The following CHD7 variants were observed in gnomAD, a reference collection of about 807,000 sequenced individuals.
CHD7 encodes the protein chromodomain helicase DNA binding protein 7.
In CHD7, 24 loss-of-function variants were observed where a neutral mutation model predicts 307.3. The ratio of observed to expected loss-of-function variants is 0.08; its 90% CI spans 0.06 to 0.11. The LOEUF (loss-of-function observed/expected upper bound fraction) is 0.11. Ranked by LOEUF, CHD7 falls within the 10% of genes least tolerant of loss-of-function variation. The pLI is 1.00. For missense variants in CHD7, 3,106 were observed against 3,727.1 expected (o/e 0.83, Z 4.34); for synonymous variants, 1,363 against 1,349.9 (o/e 1.01, Z -0.21).
intron 2 of CHD7, among the ~76,000 whole-genome samples, chr8:60,757,207 A>C (rs1586276312): frequency 4.6e-5 from 7 of 152,202 alleles, no homozygotes. Context: ...TTTGGTGTCC[A>C]GTATGGTAGC....
intron 1 of CHD7, among the ~76,000 whole-genome samples, chr8:60,679,993 G>T (rs1443238472): frequency 6.6e-6 from 1 of 151,836 alleles, no homozygotes; most frequent in African/African-American, 2.4e-5. Context: ...CGGGGCGAGC[G>T]CCGGGAGGCG....
intron 1 of CHD7, among the ~76,000 whole-genome samples, chr8:60,692,307 G>A (rs1806237863): frequency 6.6e-6 from 1 of 152,180 alleles, no homozygotes; most frequent in Admixed American, 6.5e-5. Context: ...TTTAAAGGTG[G>A]TGCTAAAAGG....
At chr8:60,685,491 G>A (rs900534717) in intron 1 of CHD7, among the ~76,000 whole-genome samples, 2 of 152,072 alleles carry the variant, frequency 1.3e-5, no homozygotes, top group East Asian at 3.9e-4. Flanking sequence ...CACATATTAG[G>A]GCAAGGTCTT....
At chr8:60,728,935 C>T (rs1808307206) in intron 1 of CHD7, among the ~76,000 whole-genome samples, 1 of 152,006 alleles carries the variant, frequency 6.6e-6, no homozygotes, top group Non-Finnish European at 1.5e-5. Context: ...GCCCAGTACC[C>T]AATAGTTATC....
intron 15 of CHD7, among the ~76,000 whole-genome samples, chr8:60,834,811 C>A (rs1563642360): frequency 6.6e-6 from 1 of 152,162 alleles, no homozygotes; most frequent in Non-Finnish European, 1.5e-5. Context: ...CTACATGCAG[C>A]CTTAAAGTAC....
At chr8:60,798,807 C>CA (rs1812156006) in intron 4 of CHD7, among the ~76,000 whole-genome samples, 1 of 152,194 alleles carries the variant, frequency 6.6e-6, no homozygotes, top group Admixed American at 6.5e-5. Context: ...TAAAACTTTA[C>CA]ATGTGTCATT....
intron 34 of CHD7, among the ~76,000 whole-genome samples, chr8:60,860,027 G>GC (rs112874128): frequency 0.069 from 10,509 of 152,186 alleles, 1,035 homozygotes; most frequent in African/African-American, 0.22. Context: ...AGTGACAAAA[G>GC]CCTGGGCCAT....
chr8:60,826,351 G>A (rs1228312922), intron 13 of CHD7, among the ~76,000 whole-genome samples: 3 of 152,134 alleles, frequency 2.0e-5, no homozygotes, highest in Non-Finnish European at 4.4e-5. Context: ...TTTTCAAGAT[G>A]GAACACATTA....
chr8:60,856,158 A>G lies in CHD7; in HGVS notation c.7120A>G (p.Ile2374Val), dbSNP rs142095932. Reference protein sequence around the residue: ...AELSMVGQASISGSEDITTSP... With the variant: ...AELSMVGQASVSGSEDITTSP... ...GCTCTCCATGGTCGGCCAAGCCAGC[A>G]TTAGTGGGAGTGAGGACATCACTAC... The change falls in exon 33 of 38, where the codon ATT (isoleucine) becomes GTT (valine). Residue 2374 changes from isoleucine to valine, a missense_variant. By Grantham distance (29) the Ile-to-Val change is conservative. Around this residue, in one of 10 missense-constraint regions of CHD7, gnomAD observed 1,030 missense variants for 1,165.4 expected, o/e 0.88. Coordinates refer to ENST00000423902, the MANE Select transcript of CHD7 (RefSeq NM_017780.4). 5 of 1,606,024 alleles carry G rather than the reference A, an allele frequency of 3.1e-6. No homozygotes were observed. Among genetic ancestry groups the G allele is most frequent in the African/African-American group, 1.3e-5 (1 of 74,898 alleles).
At chr8:60,680,684 C>A (rs986835133) in intron 1 of CHD7, among the ~76,000 whole-genome samples, 2 of 152,162 alleles carry the variant, frequency 1.3e-5, no homozygotes, top group Admixed American at 1.3e-4. Flanking sequence ...ACTGCTCACG[C>A]CTTGGTTTAA....
chr8:60,781,643 T>G (rs150515920), intron 3 of CHD7, among the ~76,000 whole-genome samples: 243 of 152,342 alleles, frequency 1.6e-3, no homozygotes, highest in African/African-American at 5.8e-3. Flanking sequence ...TTACAGACCT[T>G]ACTGGATACA....
intron 1 of CHD7, among the ~76,000 whole-genome samples, chr8:60,689,699 T>G (rs1014549422): frequency 6.6e-6 from 1 of 152,174 alleles, no homozygotes; most frequent in Non-Finnish European, 1.5e-5. Flanking sequence ...GTTAACAGAT[T>G]ATAGTCAGTG....
chr8:60,761,728 G>C (rs1415990941), intron 2 of CHD7, among the ~76,000 whole-genome samples: 6 of 151,986 alleles, frequency 3.9e-5, no homozygotes, highest in Admixed American at 3.3e-4. Context: ...TCTAGAACTT[G>C]TTGGCTAAAT....
chr8:60,841,782 T>C lies in CHD7; in HGVS notation c.4644+28T>C, dbSNP rs781651426. The C allele has an allele frequency of 1.9e-6, 3 of 1,605,016 alleles. No homozygotes were observed. The South Asian group carries it at 3.3e-5, about 18-fold the overall frequency. ...GAGTAAGAAGTCCCATTCGAACACC[T>C]ATCTGATCTAAACCAAGAGCCACTC... is the stretch of plus-strand genomic sequence containing the variant. On this transcript the variant is annotated intron_variant, in intron 20 of 37. Transcript: ENST00000423902.
intron 4 of CHD7, among the ~76,000 whole-genome samples, chr8:60,798,029 G>C (rs1004478377): frequency 2.6e-5 from 4 of 152,176 alleles, no homozygotes; most frequent in Non-Finnish European, 5.9e-5. Flanking sequence ...GGTAGTTACT[G>C]TCATTAACCC....
chr8:60,747,338 A>G (rs982624496), intron 2 of CHD7, among the ~76,000 whole-genome samples: 1 of 152,104 alleles, frequency 6.6e-6, no homozygotes, highest in African/African-American at 2.4e-5. Flanking sequence ...GTGGCCTCCC[A>G]AAGTGCTGGG....
chr8:60,762,274 T>G (rs1391471952), intron 2 of CHD7, among the ~76,000 whole-genome samples: 3 of 152,204 alleles, frequency 2.0e-5, no homozygotes, highest in Non-Finnish European at 4.4e-5. Context: ...CACATAACAC[T>G]CACCCCTAGT....
At chr8:60,837,901 G>T in intron 18 of CHD7, 66 bp downstream of exon 18, 1 of 1,440,368 alleles carries the variant, frequency 6.9e-7, no homozygotes, top group East Asian at 2.3e-5. Context: ...CTAATAGTAA[G>T]AAATTACTCA....
rs1430727491 is a variant in CHD7 at position 60,678,758 on chromosome 8, T to G, written c.-499T>G. On this transcript the variant is annotated 5_prime_UTR_variant, in exon 1 of 38. Transcript: ENST00000423902. Reference sequence around the variant, plus strand: ...CGGACGCGCGCAGGCGCTGGCGTGCTGGGGCCGCGGCGGCGGCGGCGGCGG... The same window carrying G: ...CGGACGCGCGCAGGCGCTGGCGTGCGGGGGCCGCGGCGGCGGCGGCGGCGG... The G allele has an allele frequency of 8.7e-6, 1 of 114,402 alleles. No homozygotes were observed. Among genetic ancestry groups the G allele is most frequent in the Non-Finnish European group, 1.8e-5 (1 of 56,102 alleles). 7.1% of individuals were successfully genotyped at this position (114,402 alleles called of 1,614,324 possible).
Sources: gnomAD v4.1 joint callset for allele counts (sites outside exome capture counted in the v4.1 genomes callset) on GRCh38, gnomAD v4.1.1 for gene constraint, gnomAD v4.1.1 regional missense constraint, MANE v1.5 for transcripts, NCBI Gene and HGNC (gene_info 2026-07-23, HGNC 2026-07-21) for gene names.